The following NECAB1 variants were observed in gnomAD, a reference collection of about 807,000 sequenced individuals.
NECAB1 encodes the protein N-terminal EF-hand calcium binding protein 1.
Under a neutral mutation model 57.5 loss-of-function variants are expected in NECAB1, and 29 were observed. That is an observed-to-expected ratio of 0.50 (90% confidence interval 0.38 to 0.69). The LOEUF (loss-of-function observed/expected upper bound fraction) is 0.69. Among genes scored for constraint, NECAB1 ranks in the 30% least tolerant of loss-of-function variants. NECAB1 has a pLI of 0.00. For synonymous variants in NECAB1, 142 were observed against 147.7 expected, an observed-to-expected ratio of 0.96 and a Z score of 0.28; for missense variants, 372 against 413.8, an observed-to-expected ratio of 0.90 and a Z score of 0.88.
chr8:90,806,251 TCTC>T (rs1239720138), intron 2 of NECAB1, among the ~76,000 whole-genome samples: 3 of 152,058 alleles, frequency 2.0e-5, no homozygotes, highest in Admixed American at 6.6e-5. Flanking sequence ...TTGTTATAGT[TCTC>T]CTCAGGACTT....
At chr8:90,879,955 C>T (rs1371832194) in intron 4 of NECAB1, among the ~76,000 whole-genome samples, 1 of 152,096 alleles carries the variant, frequency 6.6e-6, no homozygotes, top group Non-Finnish European at 1.5e-5. Context: ...TTTTGACAAC[C>T]ATGATCTGGA....
intron 5 of NECAB1, among the ~76,000 whole-genome samples, chr8:90,906,283 AATCTTG>A: frequency 6.6e-6 from 1 of 152,280 alleles, no homozygotes; most frequent in African/African-American, 2.4e-5. Flanking sequence ...GAGTGGACTG[AATCTTG>A]ATTTTAGGTT....
chr8:90,887,445 C>G (rs894490374), intron 5 of NECAB1, among the ~76,000 whole-genome samples: 1 of 152,094 alleles, frequency 6.6e-6, no homozygotes, highest in Admixed American at 6.6e-5. Context: ...TCCATAAATA[C>G]AAACATGTAA....
At chr8:90,860,553 G>A (rs937251300) in intron 3 of NECAB1, among the ~76,000 whole-genome samples, 3 of 152,120 alleles carry the variant, frequency 2.0e-5, no homozygotes, top group African/African-American at 7.2e-5. Flanking sequence ...ATAGATTTAG[G>A]ACATCCTCAG....
intron 5 of NECAB1, among the ~76,000 whole-genome samples, chr8:90,905,482 T>C (rs1047978506): frequency 5.3e-5 from 8 of 152,166 alleles, no homozygotes; most frequent in African/African-American, 1.9e-4. Flanking sequence ...CACAGGTTCA[T>C]AGGCAGTTGG....
At chr8:90,922,552 G>C (rs1279208117) in intron 6 of NECAB1, among the ~76,000 whole-genome samples, 1 of 136,064 alleles carries the variant, frequency 7.3e-6, no homozygotes. Context: ...GAGTGCAGGG[G>C]CACAATCTCT....
At chr8:90,872,995 T>TA (rs966513791) in intron 4 of NECAB1, among the ~76,000 whole-genome samples, 7 of 152,038 alleles carry the variant, frequency 4.6e-5, no homozygotes, top group Non-Finnish European at 5.9e-5. Flanking sequence ...ACCAAAACCA[T>TA]AAAAAAAGGC....
chr8:90,847,065 G>A (rs1287731086), intron 3 of NECAB1, among the ~76,000 whole-genome samples: 1 of 152,138 alleles, frequency 6.6e-6, no homozygotes, highest in Non-Finnish European at 1.5e-5. Context: ...AAAAGCTCAA[G>A]TCCAAAGTCT....
At chr8:90,933,596 G>C (rs1810460533) in intron 8 of NECAB1, among the ~76,000 whole-genome samples, 1 of 152,116 alleles carries the variant, frequency 6.6e-6, no homozygotes, top group South Asian at 2.1e-4. Context: ...GTAGGGAGAT[G>C]AGGGATAAAA....
chr8:90,899,438 TA>T (rs1343739185), intron 5 of NECAB1, among the ~76,000 whole-genome samples: 4 of 152,212 alleles, frequency 2.6e-5, no homozygotes, highest in Non-Finnish European at 4.4e-5. Flanking sequence ...TACAAGTTTT[TA>T]AAAGTAAATA....
At chr8:90,838,391 A>C (rs1451900966) in intron 3 of NECAB1, among the ~76,000 whole-genome samples, 1 of 152,236 alleles carries the variant, frequency 6.6e-6, no homozygotes, top group African/African-American at 2.4e-5. Context: ...TGTGAGCTAT[A>C]TATACATTTA....
intron 5 of NECAB1, among the ~76,000 whole-genome samples, chr8:90,905,057 T>G (rs1410647580): frequency 6.6e-6 from 1 of 151,434 alleles, no homozygotes; most frequent in Admixed American, 6.7e-5. Flanking sequence ...GAACATAGTA[T>G]GGCATAACTT....
chr8:90,906,891 A>ATATATATATATATACATGTATGTATG (rs1809681662), intron 5 of NECAB1, among the ~76,000 whole-genome samples: 3 of 113,414 alleles, frequency 2.6e-5, no homozygotes, highest in African/African-American at 4.0e-5. Flanking sequence ...ATATATATAT[A>ATATATATATATATACATGTATGTATG]TATATATATA....
At chr8:90,802,438 CTTGTTTTGTTT>C (rs1283980545) in intron 2 of NECAB1, among the ~76,000 whole-genome samples, 4 of 152,096 alleles carry the variant, frequency 2.6e-5, no homozygotes, top group African/African-American at 9.7e-5. Flanking sequence ...CAAATAAAAG[CTTGTTTTGTTT>C]TTGTTTTGTT....
intron 3 of NECAB1, among the ~76,000 whole-genome samples, chr8:90,859,458 A>G (rs1283157150): frequency 2.6e-5 from 4 of 152,196 alleles, no homozygotes; most frequent in African/African-American, 4.8e-5. Context: ...GAATGTAACT[A>G]TGTGTGCCAA....
At chr8:90,824,468 CAT>C (rs1812192649) in intron 2 of NECAB1, among the ~76,000 whole-genome samples, 2 of 151,808 alleles carry the variant, frequency 1.3e-5, no homozygotes, top group Non-Finnish European at 2.9e-5. Context: ...AAATGTTTGT[CAT>C]GTGAATAAAT....
chr8:90,801,698 G>A lies in NECAB1; in HGVS notation c.107G>A (p.Arg36Lys). 1 of 1,527,936 alleles carries A rather than the reference G, an allele frequency of 6.5e-7. No individual in the cohort carries two copies. The highest frequency in any genetic ancestry group is 1.3e-5 in the South Asian group (1 of 79,624). The allele number at this position is 1,527,936 out of a possible 1,614,324, so 94.6% of individuals were successfully genotyped here. ...KGMSIFLDILRRADKNDDGKL... is the reference protein window; with the variant it reads ...KGMSIFLDILKRADKNDDGKL... ...TTCCTTTTTCCTTTCCAGATACTGAGGAGAGCAGACAAAAATGGTAAGACC... is the reference window on the plus strand; with the variant it reads ...TTCCTTTTTCCTTTCCAGATACTGAAGAGAGCAGACAAAAATGGTAAGACC... Residue 36 changes from arginine (R) to lysine (K), a missense_variant, in exon 2 of 13, where the codon AGG becomes AAG. By Grantham distance (26) the Arg-to-Lys change is conservative. Transcript: ENST00000417640.
rs537444404 is a variant in NECAB1 at position 90,839,861 on chromosome 8, T to C, written c.233+15036T>C. Among the ~76,000 whole-genome samples, 5 of 152,260 alleles carry C rather than the reference T, an allele frequency of 3.3e-5. No homozygotes were observed. In the South Asian group the frequency reaches 8.3e-4, roughly 25 times the overall value. On this transcript the variant is annotated intron_variant, in intron 3 of 12. Transcript: ENST00000417640. ...CCAAGCCATTGAAGGGTCTTAAACC[T>C]GGGAGTGACTGGATTAGGTTTATGT...
At chr8:90,942,431 CTG>C (rs1810693515) in intron 10 of NECAB1, among the ~76,000 whole-genome samples, 3 of 152,178 alleles carry the variant, frequency 2.0e-5, no homozygotes, top group South Asian at 2.1e-4. Flanking sequence ...ACAGGAAATG[CTG>C]TGTTTCCATG....
Sources: gnomAD v4.1 joint callset for allele counts (sites outside exome capture counted in the v4.1 genomes callset) on GRCh38, gnomAD v4.1.1 for gene constraint, MANE v1.5 for transcripts, NCBI Gene and HGNC (gene_info 2026-07-23, HGNC 2026-07-21) for gene names.